The following ZNF254 variants were observed in gnomAD, a reference collection of about 807,000 sequenced individuals.
ZNF254 encodes the protein zinc finger protein 254.
A neutral mutation model predicts 12.4 loss-of-function variants in ZNF254; 10 were observed. The observed-to-expected ratio is 0.80, with a 90% CI of 0.50 to 1.36. ZNF254 has a LOEUF of 1.36. Among genes scored for constraint, ZNF254 ranks in the 40% most tolerant of loss-of-function variants. The pLI is 0.00. For synonymous variants in ZNF254, 305 were observed against 253.4 expected (o/e 1.20, Z -1.93); for missense variants, 996 against 763.9 (o/e 1.30, Z -3.58).
chr19:24,102,681 T>C (rs1012619006), intron 1 of ZNF254, among the ~76,000 whole-genome samples: 1 of 152,206 alleles, frequency 6.6e-6, no homozygotes, highest in South Asian at 2.1e-4. Flanking sequence ...ACATGTATTA[T>C]AGGGTCTTAA....
intron 2 of ZNF254, among the ~76,000 whole-genome samples, chr19:24,049,181 G>A (rs181201045): frequency 3.2e-3 from 103 of 31,846 alleles, no homozygotes; most frequent in African/African-American, 0.012. Context: ...TCAGGCTCTG[G>A]TTTTATATAT....
intron 1 of ZNF254, among the ~76,000 whole-genome samples, chr19:24,040,487 C>T (rs1409541676): frequency 1.3e-5 from 2 of 152,166 alleles, no homozygotes; most frequent in African/African-American, 4.8e-5. Context: ...AAAAGTCTCT[C>T]TACTTATCCC....
intron 2 of ZNF254, among the ~76,000 whole-genome samples, chr19:24,072,333 G>A (rs1971511508): frequency 6.6e-6 from 1 of 151,864 alleles, no homozygotes; most frequent in East Asian, 1.9e-4. Flanking sequence ...CACCACACCT[G>A]GCTAATTTTT....
rs370123802 is a variant in ZNF254 at position 24,087,438 on chromosome 19, A to G, written c.30+101A>G. The stretch of plus-strand genomic sequence containing the variant: ...CTCAGGCCTCCCCCCAGTCAGCTCC[A>G]CAATCTGCGCCCAGCTCGACCTCAG... On this transcript the variant is annotated intron_variant, in intron 1 of 3. Coordinates refer to ENST00000357002, the MANE Select transcript of ZNF254 (RefSeq NM_203282.4). 9 of 1,480,560 alleles carry G rather than the reference A, an allele frequency of 6.1e-6. No individual in the cohort carries two copies. The African/African-American group carries it at 9.7e-5, about 16-fold the overall frequency. The allele number at this position is 1,480,560 out of a possible 1,614,324, so 91.7% of individuals were successfully genotyped here.
At chr19:24,091,315 GAAA>G (rs56971141) in intron 1 of ZNF254, among the ~76,000 whole-genome samples, 74 of 128,746 alleles carry the variant, frequency 5.7e-4, no homozygotes, top group African/African-American at 1.7e-3. Context: ...AAAAAATAAA[GAAA>G]AAAAAAAAAA....
At chr19:24,118,127 A>T (rs57921794) in intron 3 of ZNF254, among the ~76,000 whole-genome samples, 2,753 of 149,274 alleles carry the variant, frequency 0.018, 94 homozygotes, top group African/African-American at 0.064. Context: ...ATCTTGACTC[A>T]CTGCAACCTC....
At chr19:24,033,782 G>T (rs753945857) in intron 1 of ZNF254, among the ~76,000 whole-genome samples, 3 of 152,176 alleles carry the variant, frequency 2.0e-5, no homozygotes, top group Non-Finnish European at 4.4e-5. Context: ...CCCGCAGCCG[G>T]GATCCCCGCG....
chr19:24,101,324 A>C (rs1478351786), intron 1 of ZNF254, among the ~76,000 whole-genome samples: 1 of 152,208 alleles, frequency 6.6e-6, no homozygotes, highest in Non-Finnish European at 1.5e-5. Flanking sequence ...GTCCTACTTT[A>C]GATTGAGAAT....
upstream of ZNF254, among the ~76,000 whole-genome samples, chr19:24,085,424 A>ATG (rs1971995910): frequency 2.2e-5 from 3 of 135,176 alleles, 1 homozygote; most frequent in Non-Finnish European, 4.8e-5. Context: ...ATATATATAT[A>ATG]TAAAAACTAA....
chr19:24,082,851 G>A (rs1322623460), upstream of ZNF254, among the ~76,000 whole-genome samples: 1 of 151,568 alleles, frequency 6.6e-6, no homozygotes, highest in African/African-American at 2.4e-5. Flanking sequence ...CAAACCCACA[G>A]CAAACATTAA....
intron 2 of ZNF254, among the ~76,000 whole-genome samples, chr19:24,057,151 G>A (rs371787783): frequency 6.6e-6 from 1 of 152,210 alleles, no homozygotes; most frequent in African/African-American, 2.4e-5. Context: ...TATACAGAGT[G>A]TCATAACGGC....
chr19:24,095,117 A>C (rs1213102908), intron 1 of ZNF254, among the ~76,000 whole-genome samples: 5 of 152,230 alleles, frequency 3.3e-5, no homozygotes, highest in Admixed American at 3.3e-4. Context: ...AAATTTTATC[A>C]AAAGCTTTTT....
intron 3 of ZNF254, among the ~76,000 whole-genome samples, chr19:24,115,333 TAC>T: frequency 6.6e-6 from 1 of 152,130 alleles, no homozygotes; most frequent in African/African-American, 2.4e-5. Flanking sequence ...CACCATGGAA[TAC>T]TATGCAGCCA....
chr19:24,124,972 A>G (rs1188537867), intron 3 of ZNF254, among the ~76,000 whole-genome samples: 1 of 151,670 alleles, frequency 6.6e-6, no homozygotes, highest in African/African-American at 2.4e-5. Flanking sequence ...TTTAGTAGAG[A>G]CGGGGTTTTG....
intron 3 of ZNF254, among the ~76,000 whole-genome samples, chr19:24,121,105 A>AT (rs893886580): frequency 6.6e-6 from 1 of 150,924 alleles, no homozygotes; most frequent in African/African-American, 2.4e-5. Flanking sequence ...TATTTTGGAG[A>AT]TTTTTAGTTT....
At chr19:24,119,245 G>T (rs145718728) in intron 3 of ZNF254, among the ~76,000 whole-genome samples, 186 of 152,090 alleles carry the variant, frequency 1.2e-3, no homozygotes, top group African/African-American at 4.1e-3. Context: ...AGGCCAGAGT[G>T]CAGTGACACA....
rs1422931021 is a variant in ZNF254 at position 24,127,292 on chromosome 19, A to G, written c.1292A>G (p.Glu431Gly). ...LTTHKIIHTG[E>G]KPYKCEECGK... is the part of the protein sequence containing the mutation. Reference sequence around the variant, plus strand: ...ACACATAAGATAATTCATACTGGAGAGAAACCTTACAAGTGTGAAGAATGT... The same window carrying G: ...ACACATAAGATAATTCATACTGGAGGGAAACCTTACAAGTGTGAAGAATGT... Residue 431 changes from glutamate (E) to glycine (G), a missense_variant, in exon 4 of 4, where the codon GAG becomes GGG. Transcript: ENST00000357002. 3 of 1,613,720 alleles carry G rather than the reference A, an allele frequency of 1.9e-6. No individual in the cohort carries two copies. The highest frequency in any genetic ancestry group is 2.5e-6 in the Non-Finnish European group (3 of 1,179,846).
chr19:24,047,935 C>T (rs560361414), intron 2 of ZNF254, among the ~76,000 whole-genome samples: 2 of 150,990 alleles, frequency 1.3e-5, no homozygotes, highest in East Asian at 3.9e-4. Context: ...GATCTGCCCA[C>T]CTTAGCCTCC....
chr19:24,105,596 T>C (rs374886329), intron 1 of ZNF254: 13 of 238,238 alleles, frequency 5.5e-5, no homozygotes, highest in African/African-American at 2.6e-4. Context: ...CTGAAAAATA[T>C]AAACAACTAT....
Sources: gnomAD v4.1 joint callset for allele counts (sites outside exome capture counted in the v4.1 genomes callset) on GRCh38, gnomAD v4.1.1 for gene constraint, MANE v1.5 for transcripts, NCBI Gene and HGNC (gene_info 2026-07-23, HGNC 2026-07-21) for gene names.